The following ABLIM2 variants were observed in gnomAD, a reference collection of about 807,000 sequenced individuals.
ABLIM2 encodes the protein actin-binding LIM protein 2.
In ABLIM2, 53 loss-of-function variants were observed where a neutral mutation model predicts 97.7. The ratio of observed to expected loss-of-function variants is 0.54; its 90% CI spans 0.44 to 0.68. ABLIM2 has a LOEUF of 0.68. Among genes scored for constraint, ABLIM2 ranks in the 30% least tolerant of loss-of-function variants. The pLI is 0.00. For synonymous variants in ABLIM2, 361 were observed against 345.8 expected (o/e 1.04, Z -0.49); for missense variants, 835 against 867.2 (o/e 0.96, Z 0.47).
rs182331976 is a variant in ABLIM2, at chr4:8,021,171, A to T, written c.1268-868T>A. Among the ~76,000 whole-genome samples the T allele has an allele frequency of 1.9e-4, 29 of 152,076 alleles. No homozygotes were observed. The highest frequency in any genetic ancestry group is 7.0e-4 in the African/African-American group (29 of 41,422). On this transcript the variant is annotated intron_variant, in intron 12 of 20. Transcript: ENST00000447017. This position sits in a 1 kb window ranked among gnomAD's most constrained non-coding sequence, Gnocchi z 5.5. Reference sequence around the variant, plus strand: ...GCACCCTGGCCACATTCTTAAATACAACTGCTTTTTGGCAAATTAAATGGA... The same window carrying T: ...GCACCCTGGCCACATTCTTAAATACTACTGCTTTTTGGCAAATTAAATGGA...
rs540640325 is a variant in ABLIM2, at chr4:8,099,713, C to T, written c.155-2431G>A. Among the ~76,000 whole-genome samples the T allele has an allele frequency of 2.9e-4, 44 of 152,158 alleles. No individual in the cohort carries two copies. In the South Asian group the frequency reaches 7.5e-3, roughly 26 times the overall value. On this transcript the variant is annotated intron_variant, in intron 2 of 20. Coordinates refer to ENST00000447017, the MANE Select transcript of ABLIM2 (RefSeq NM_001130083.2). ...ACAAAAAATTATCCGGGCGTGGTGG[C>T]GGGCGCCTGTAGTCCTGGCTACTCG...
chr4:7,977,359 C>T (rs1362104247), intron 20 of ABLIM2, among the ~76,000 whole-genome samples: 1 of 151,958 alleles, frequency 6.6e-6, no homozygotes, highest in South Asian at 2.1e-4. Flanking sequence ...TGGATGAATA[C>T]ACACACATAC....
chr4:8,128,287 A>G lies in ABLIM2; in HGVS notation c.11-21650T>C, dbSNP rs1309037943. Among the ~76,000 whole-genome samples the G allele has an allele frequency of 6.6e-6, 1 of 152,084 alleles. No individual in the cohort carries two copies. The highest frequency in any genetic ancestry group is 2.4e-5 in the African/African-American group (1 of 41,414). ...TGACCTCATCTCCATCTTTACCATA[A>G]TTACATACGGAAACACCCAAACAAG... is the stretch of plus-strand genomic sequence containing the variant. On this transcript the variant is annotated intron_variant, in intron 1 of 20. Transcript: ENST00000447017. This position sits in a 1 kb window ranked among gnomAD's most constrained non-coding sequence, Gnocchi z 4.9.
At position 8,145,031 on chromosome 4, in the gene ABLIM2, TG is replaced by T. The variant is rs201632036; in HGVS notation, c.10+13648del. Reference sequence around the variant, plus strand: ...TCCCATCTTTACCAGCCGTGTGACCTGGGGCGGGTCGTGCCTCCTGTCTTAT... The same window carrying T: ...TCCCATCTTTACCAGCCGTGTGACCTGGGCGGGTCGTGCCTCCTGTCTTAT... On this transcript the variant is annotated intron_variant, in intron 1 of 20. Transcript: ENST00000447017. 7.1e-3 allele frequency among the ~76,000 whole-genome samples: 1,081 copies of T among 152,194 alleles called. 17 individuals carry two copies. Among genetic ancestry groups the T allele is most frequent in the African/African-American group, 0.025 (1,033 of 41,522 alleles).
intron 4 of ABLIM2, 32 bp downstream of exon 4, chr4:8,088,137 A>C (rs1181737475): frequency 2.5e-5 from 24 of 944,346 alleles, no homozygotes; most frequent in East Asian, 1.4e-4. Context: ...GCATGCCCCC[A>C]CTCAACATGC....
At chr4:8,029,490 C>T (rs914788782) in intron 11 of ABLIM2, among the ~76,000 whole-genome samples, 166 bp downstream of exon 11, 11 of 149,874 alleles carry the variant, frequency 7.3e-5, no homozygotes, top group African/African-American at 2.5e-4. Flanking sequence ...ACTAAATGAA[C>T]AGGTTCTCAG....
intron 8 of ABLIM2, among the ~76,000 whole-genome samples, chr4:8,050,944 C>T (rs985538534): frequency 1.4e-4 from 22 of 152,274 alleles, no homozygotes; most frequent in African/African-American, 5.1e-4. Context: ...AACAAGGACG[C>T]CTGCACAGGC....
At chr4:8,035,065 CAGGTGAGTGGGTGGCAGGTAGGT>C (rs1783739886) in intron 10 of ABLIM2, among the ~76,000 whole-genome samples, 2 of 71,832 alleles carry the variant, frequency 2.8e-5, no homozygotes, top group African/African-American at 9.1e-5. Context: ...TAGGTGGGTG[CAGGTGAGTGGGTGGCAGGTAGGT>C]GGGTGCAGAT....
At chr4:8,146,549 A>T (rs4696770) in intron 1 of ABLIM2, among the ~76,000 whole-genome samples, 2 of 152,104 alleles carry the variant, frequency 1.3e-5, no homozygotes, top group African/African-American at 4.8e-5. Flanking sequence ...TTATTTATAT[A>T]TATTTTTGGA....
At chr4:8,077,935 G>A (rs1041998639) in intron 5 of ABLIM2, among the ~76,000 whole-genome samples, 1 of 152,194 alleles carries the variant, frequency 6.6e-6, no homozygotes. Flanking sequence ...TTTCACAGAC[G>A]GAGAAACTGA....
chr4:8,041,468 C>T (rs928656770), intron 9 of ABLIM2: 1 of 151,978 alleles, frequency 6.6e-6, no homozygotes, highest in African/African-American at 2.4e-5. Flanking sequence ...CTGTGGGCTC[C>T]AAGCCCAGCT....
At chr4:7,978,536 T>C (rs1735448835) in intron 20 of ABLIM2, among the ~76,000 whole-genome samples, 1 of 152,236 alleles carries the variant, frequency 6.6e-6, no homozygotes, top group African/African-American at 2.4e-5. Flanking sequence ...TGGACGCTGC[T>C]GCTGGGCCAG....
intron 1 of ABLIM2, among the ~76,000 whole-genome samples, chr4:8,133,838 G>A (rs1031633001): frequency 2.6e-5 from 4 of 152,316 alleles, no homozygotes; most frequent in Non-Finnish European, 5.9e-5. Context: ...CCAATGGCTG[G>A]GCTAGTTAGG....
chr4:8,008,001 T>A (rs1016417871), intron 16 of ABLIM2, 58 bp downstream of exon 16: 1 of 1,599,638 alleles, frequency 6.3e-7, no homozygotes, highest in East Asian at 2.2e-5. Flanking sequence ...TTCTGGGGCC[T>A]CTTTGCCGCG....
intron 12 of ABLIM2, among the ~76,000 whole-genome samples, chr4:8,025,339 G>A (rs1296317641): frequency 6.6e-6 from 1 of 152,244 alleles, no homozygotes. Flanking sequence ...AGGTCTCAAA[G>A]GGAAGGTGCC....
At chr4:8,028,742 T>C (rs143972458) in intron 11 of ABLIM2, among the ~76,000 whole-genome samples, 1 of 152,306 alleles carries the variant, frequency 6.6e-6, no homozygotes, top group East Asian at 1.9e-4. Context: ...CACTCACTCA[T>C]TCACTCATTC....
chr4:8,048,826 A>C (rs1299792386), intron 8 of ABLIM2, among the ~76,000 whole-genome samples: 1 of 152,106 alleles, frequency 6.6e-6, no homozygotes, highest in Non-Finnish European at 1.5e-5. Context: ...CCTCCACTGA[A>C]GTCACCCAGC....
rs367551628 is a variant in ABLIM2 at position 8,061,025 on chromosome 4, G to A, written c.705C>T (p.Cys235=). ...TCTGGCCGCACCTGACACATAGCGC[G>A]CAGGAAGGGTGGTAGTGCTTCTCTC... is the stretch of plus-strand genomic sequence containing the variant. ...EAGEKHYHPS[C]ALCVRCGQMF... is the part of the protein sequence containing the mutation. The change falls in exon 7 of 21, where the codon TGC becomes TGT. Residue 235 remains cysteine (C), a synonymous_variant. Coordinates refer to ENST00000447017, the MANE Select transcript of ABLIM2 (RefSeq NM_001130083.2). This position sits in a 1 kb window ranked among gnomAD's most constrained non-coding sequence, Gnocchi z 4.5. 3.0e-5 allele frequency: 48 copies of A among 1,597,580 alleles called. No homozygotes were observed. Among genetic ancestry groups the A allele is most frequent in the South Asian group, 4.5e-5 (4 of 88,048 alleles).
At chr4:8,131,275 C>T (rs942226465) in intron 1 of ABLIM2, among the ~76,000 whole-genome samples, 2 of 152,216 alleles carry the variant, frequency 1.3e-5, no homozygotes, top group East Asian at 1.9e-4. Flanking sequence ...AAATGGCGAA[C>T]AAAAAATTCA....
Sources: allele counts gnomAD v4.1 joint callset (sites outside exome capture counted in the v4.1 genomes callset), GRCh38; gene constraint gnomAD v4.1.1; non-coding constraint Gnocchi (gnomAD v3.1); transcripts MANE v1.5; gene names NCBI Gene and HGNC (gene_info 2026-07-23, HGNC 2026-07-21).